The following NMD3 variants were observed in gnomAD, a reference collection of about 807,000 sequenced individuals.
The protein encoded by NMD3 is 60S ribosomal export protein NMD3.
A neutral mutation model predicts 73.1 loss-of-function variants in NMD3; 47 were observed. That is an observed-to-expected ratio of 0.64 (90% CI 0.51 to 0.82). The LOEUF (loss-of-function observed/expected upper bound fraction) is 0.82. Among genes scored for constraint, NMD3 ranks in the 40% least tolerant of loss-of-function variants. The pLI is 0.00. For missense variants in NMD3, 554 were observed against 612.5 expected, an observed-to-expected ratio of 0.90 and a Z score of 1.01; for synonymous variants, 210 against 194.5, an observed-to-expected ratio of 1.08 and a Z score of -0.66.
Position 161,238,823 on chromosome 3 carries a change from C to G in NMD3, c.750C>G (p.Cys250Trp), listed in dbSNP as rs771382083. 4.9e-6 allele frequency: 7 copies of G among 1,435,432 alleles called. No individual in the cohort carries two copies. The highest frequency in any genetic ancestry group is 6.8e-6 in the Non-Finnish European group (7 of 1,030,738). 88.9% of individuals were successfully genotyped at this position (1,435,432 alleles called of 1,614,324 possible). A position where few individuals can be genotyped will look rare whatever the true frequency, so the allele number is the denominator to read the frequency against. Residue 250 changes from cysteine to tryptophan, a missense_variant, in exon 9 of 16, where the codon TGC (cysteine) becomes TGG (tryptophan). Physicochemically the swap from Cys to Trp is radical, Grantham distance 215. Coordinates refer to ENST00000351193, the MANE Select transcript of NMD3 (RefSeq NM_015938.5). Reference sequence around the variant, plus strand: ...TTTCTGTGGAAATTGTTCCAATATGCAAGGTACTTTTCTTTTTCATTTAAT... The same window carrying G: ...TTTCTGTGGAAATTGTTCCAATATGGAAGGTACTTTTCTTTTTCATTTAAT... ...STFSVEIVPI[C>W]KDNVVCLSPK...
chr3:161,224,840 C>CTT, intron 2 of NMD3, 90 bp from the exon 3 acceptor site: 1 of 1,311,646 alleles, frequency 7.6e-7, no homozygotes, highest in South Asian at 1.5e-5. Flanking sequence ...TGTGGCCTAA[C>CTT]TTGAAGGCTT....
downstream of NMD3, chr3:161,253,121 T>G (rs1711509705): frequency 5.5e-6 from 1 of 182,178 alleles, no homozygotes; most frequent in African/African-American, 2.4e-5. Flanking sequence ...AAAAAAAGTC[T>G]GATGAGCAAG....
At chr3:161,247,435 T>TA in intron 13 of NMD3, 105 bp downstream of exon 13, 1 of 637,802 alleles carries the variant, frequency 1.6e-6, no homozygotes. Context: ...CAAATCAATT[T>TA]AGAGATTTCT....
At chr3:161,233,839 A>T (rs1292933469) in intron 5 of NMD3, among the ~76,000 whole-genome samples, 1 of 152,160 alleles carries the variant, frequency 6.6e-6, no homozygotes, top group African/African-American at 2.4e-5. Context: ...AGTATCCCTT[A>T]TCTGAAATGC....
At chr3:161,221,657 G>A (rs1280916417) in intron 1 of NMD3, 2 of 173,862 alleles carry the variant, frequency 1.2e-5, no homozygotes, top group Non-Finnish European at 2.4e-5. Flanking sequence ...CTGGTGGAGA[G>A]CGGGAGGGCC....
chr3:161,246,510 C>A, intron 12 of NMD3, 62 bp downstream of exon 12: 2 of 634,388 alleles, frequency 3.2e-6, no homozygotes, highest in Non-Finnish European at 5.6e-6. Context: ...TGGGAACCAG[C>A]AAAACTACCT....
At chr3:161,221,783 C>A in intron 1 of NMD3, 1 of 390,004 alleles carries the variant, frequency 2.6e-6, no homozygotes, top group Non-Finnish European at 4.6e-6. Context: ...CTGGGAAGCT[C>A]AGGAAATCCC....
intron 2 of NMD3, among the ~76,000 whole-genome samples, chr3:161,222,727 C>G (rs1488620976): frequency 6.6e-6 from 1 of 152,080 alleles, no homozygotes. Context: ...GGCTTCTTAC[C>G]ACAACTACCC....
At chr3:161,235,632 A>G (rs963074194) in intron 7 of NMD3, among the ~76,000 whole-genome samples, 2 of 152,068 alleles carry the variant, frequency 1.3e-5, no homozygotes, top group Admixed American at 6.6e-5. Flanking sequence ...CTAGCATTTA[A>G]TTAACCTCTA....
intron 2 of NMD3, among the ~76,000 whole-genome samples, chr3:161,222,306 T>C (rs1004068031): frequency 1.3e-5 from 2 of 152,146 alleles, no homozygotes. Context: ...CTGTCCAATA[T>C]GTAGCCATTA....
intron 14 of NMD3, 46 bp downstream of exon 14, chr3:161,249,606 T>A: frequency 8.7e-7 from 1 of 1,146,498 alleles, no homozygotes; most frequent in Non-Finnish European, 1.3e-6. Flanking sequence ...AAGGAAATAT[T>A]TATGATAAAT....
In NMD3 at chr3:161,250,320, T is replaced by A. The variant is rs1737431897; in HGVS notation, c.1375T>A (p.Tyr459Asn). The A allele has an allele frequency of 1.3e-6, 2 of 1,595,258 alleles. No individual in the cohort carries two copies. Among genetic ancestry groups the A allele is most frequent in the Non-Finnish European group, 1.7e-6 (2 of 1,163,700 alleles). ...GGCAATTCGAAAAAATGTCAACATT[T>A]ACAGAGGTTGGTGTTCTAGGAGTGT... ...DEAIRKNVNI[Y>N]RDSAIPVESD... The change falls in exon 15 of 16, where the codon TAC (tyrosine) becomes AAC (asparagine). Residue 459 changes from tyrosine to asparagine, a missense_variant. By Grantham distance (143) the Tyr-to-Asn change is moderately radical (BLOSUM62 -2). Transcript: ENST00000351193.
chr3:161,230,524 G>A (rs991661159), intron 4 of NMD3, among the ~76,000 whole-genome samples: 1 of 152,148 alleles, frequency 6.6e-6, no homozygotes. Context: ...TTGTGAAATT[G>A]CAGGGAGAAG....
chr3:161,222,106 G>A (rs1736123252), intron 2 of NMD3, 49 bp downstream of exon 2: 4 of 1,505,326 alleles, frequency 2.7e-6, no homozygotes, highest in Non-Finnish European at 2.8e-6. Context: ...AATCTTCAGT[G>A]AGCCCGGGAA....
In NMD3 at chr3:161,224,910, T is replaced by G. The variant is rs368416388; in HGVS notation, c.45-20T>G. 1.1e-4 allele frequency: 170 copies of G among 1,554,866 alleles called. No homozygotes were observed. The highest frequency in any genetic ancestry group is 1.4e-4 in the Non-Finnish European group (165 of 1,156,072). On this transcript the variant is annotated intron_variant, in intron 2 of 15. Coordinates refer to ENST00000351193, the MANE Select transcript of NMD3 (RefSeq NM_015938.5). ...ATTTTAAAAATCTAATGTGAAAAAT[T>G]TATCCTTTATTTATTAAAGCTTGTG...
chr3:161,231,561 A>G (rs1736546171), intron 4 of NMD3, among the ~76,000 whole-genome samples: 1 of 152,202 alleles, frequency 6.6e-6, no homozygotes, highest in Non-Finnish European at 1.5e-5. Context: ...ACAAAGATGA[A>G]TAGATTACTA....
chr3:161,222,188 T>A, intron 2 of NMD3, 131 bp downstream of exon 2: 1 of 732,268 alleles, frequency 1.4e-6, no homozygotes, highest in Non-Finnish European at 2.4e-6. Flanking sequence ...AAAATAGAAG[T>A]CTTATTTCTG....
In NMD3 at chr3:161,234,832, G is replaced by A; in HGVS notation, c.463G>A (p.Ala155Thr). Residue 155 changes from alanine (A) to threonine (T), a missense_variant, in exon 6 of 16, where the codon GCT becomes ACT. Ala to Thr is a moderately conservative substitution (Grantham distance 58). Transcript: ENST00000351193. ...AGTAGAAGCTAAGGATTTCTGGAAG[G>A]CTGTGATTCAAGTGAGGCAAAAGGT... is the stretch of plus-strand genomic sequence containing the variant. ...HRVEAKDFWK[A>T]VIQVRQKTLH... is the part of the protein sequence containing the mutation. The A allele has an allele frequency of 6.2e-7, 1 of 1,613,364 alleles. No individual in the cohort carries two copies. Among genetic ancestry groups the A allele is most frequent in the Non-Finnish European group, 8.5e-7 (1 of 1,179,562 alleles).
At chr3:161,246,495 T>G in intron 12 of NMD3, 47 bp downstream of exon 12, 2 of 813,114 alleles carry the variant, frequency 2.5e-6, no homozygotes, top group Non-Finnish European at 3.9e-6. Flanking sequence ...ATTGCAAATT[T>G]TCTTTGGGAA....
Sources: allele counts gnomAD v4.1 joint callset (sites outside exome capture counted in the v4.1 genomes callset), GRCh38; gene constraint gnomAD v4.1.1; transcripts MANE v1.5; gene names NCBI Gene and HGNC (gene_info 2026-07-23, HGNC 2026-07-21).